The following COA5 variants were observed in gnomAD, a reference collection of about 807,000 sequenced individuals.
The protein encoded by COA5 is protein C2orf64.
A neutral mutation model predicts 11.8 loss-of-function variants in COA5; 11 were observed. That is an observed-to-expected ratio of 0.93 (90% CI 0.59 to 1.54). The LOEUF (loss-of-function observed/expected upper bound fraction) is 1.54, where lower values mean the gene tolerates loss of function less well. Ranked by LOEUF, COA5 falls within the 40% of genes most tolerant of loss-of-function variation. COA5 has a pLI of 0.00. For synonymous variants in COA5, 38 were observed against 37.5 expected (o/e 1.01, Z -0.05); for missense variants, 87 against 89.2 (o/e 0.97, Z 0.10).
chr2:98,606,284 G>C (rs1700704908), intron 1 of COA5, among the ~76,000 whole-genome samples: 2 of 152,186 alleles, frequency 1.3e-5, no homozygotes, highest in Non-Finnish European at 2.9e-5. Context: ...GGCAGTAGCT[G>C]CCAACAGATT....
At chr2:98,604,645 C>T (rs1191404085) in intron 1 of COA5, 1 of 182,058 alleles carries the variant, frequency 5.5e-6, no homozygotes. Context: ...ACCCAAAGCT[C>T]ATCTGCTCTG....
chr2:98,603,058 T>C (rs1342636314), intron 2 of COA5, among the ~76,000 whole-genome samples: 2 of 152,238 alleles, frequency 1.3e-5, no homozygotes, highest in African/African-American at 2.4e-5. Context: ...TCCCTGGATC[T>C]GATTAGCTGG....
At chr2:98,607,642 T>C (rs1700726605) in intron 1 of COA5, among the ~76,000 whole-genome samples, 1 of 152,258 alleles carries the variant, frequency 6.6e-6, no homozygotes, top group Non-Finnish European at 1.5e-5. Context: ...TGTGCTTTAC[T>C]TGAGCTCTAA....
At chr2:98,604,432 G>T (rs937308505) in intron 1 of COA5, 9 of 490,854 alleles carry the variant, frequency 1.8e-5, no homozygotes, top group Non-Finnish European at 3.3e-5. Flanking sequence ...GTTTCTATTG[G>T]ATACTTTTCC....
chr2:98,604,032 T>C (rs981349548), intron 2 of COA5, 76 bp downstream of exon 2: 1 of 1,061,192 alleles, frequency 9.4e-7, no homozygotes. Flanking sequence ...TACCTATAAC[T>C]ATTAAGTCAT....
chr2:98,600,842 T>C (rs1700633329), intron 2 of COA5, 49 bp from the exon 3 acceptor site: 1 of 1,206,050 alleles, frequency 8.3e-7, no homozygotes. Flanking sequence ...TGTAATTAAT[T>C]AAACACCCCT....
Position 98,600,667 on chromosome 2 carries a change from AAAGT to A in COA5, c.*81_*84del. On this transcript the variant is annotated 3_prime_UTR_variant, in exon 3 of 3. Transcript: ENST00000328709. ...TGGTCCAACCAAACAGATGTAGTAA[AAAGT>A]ATGTTTCCTGTTTTGGCTTCTTTGT... 1 of 1,197,800 alleles carries A rather than the reference AAAGT, an allele frequency of 8.3e-7. No individual in the cohort carries two copies. The allele number at this position is 1,197,800 out of a possible 1,614,324, so 74.2% of individuals were successfully genotyped here.
chr2:98,605,534 A>G (rs1418756888), intron 1 of COA5, among the ~76,000 whole-genome samples: 1 of 152,254 alleles, frequency 6.6e-6, no homozygotes, highest in Non-Finnish European at 1.5e-5. Context: ...AGGACAAAAG[A>G]GAAAGTTCTC....
chr2:98,601,523 A>C (rs1273067612), intron 2 of COA5, among the ~76,000 whole-genome samples: 1 of 152,202 alleles, frequency 6.6e-6, no homozygotes, highest in African/African-American at 2.4e-5. Flanking sequence ...CTTTGACTGA[A>C]GCCTCACAGT....
chr2:98,604,173 G>A lies in COA5; in HGVS notation c.118C>T (p.Gln40Ter). Residue 40 changes from glutamine to a stop codon, truncating the protein, a stop_gained, in exon 2 of 3, where the codon CAG (glutamine) becomes TAG (stop). Transcript: ENST00000328709. LOFTEE classifies it high-confidence loss of function. ...CVVQEGKSPRQCLKEGYCNSL... is the reference protein window; with the variant it reads ...CVVQEGKSPR ...TTGCAGTATCCTTCCTTCAAACACT[G>A]CCGAGGTGATTTTCCTTCCTATGAC... 6.2e-7 allele frequency: 1 copy of A among 1,613,508 alleles called. No individual in the cohort carries two copies. The highest frequency in any genetic ancestry group is 8.5e-7 in the Non-Finnish European group (1 of 1,179,590).
At chr2:98,605,743 T>C (rs1700698925) in intron 1 of COA5, 1 of 152,214 alleles carries the variant, frequency 6.6e-6, no homozygotes, top group African/African-American at 2.4e-5. Flanking sequence ...GTGGAATCTG[T>C]ACTTTTAAAA....
At chr2:98,601,251 A>AAATAAAT (rs1229502031) in intron 2 of COA5, among the ~76,000 whole-genome samples, 2 of 152,078 alleles carry the variant, frequency 1.3e-5, no homozygotes, top group Non-Finnish European at 2.9e-5. Context: ...ATAAATAAAT[A>AAATAAAT]AATAAGAAAG....
At chr2:98,608,196 C>A in intron 1 of COA5, 111 bp downstream of exon 1, 3 of 770,674 alleles carry the variant, frequency 3.9e-6, no homozygotes, top group Non-Finnish European at 6.6e-6. Context: ...CTGTGACCTA[C>A]GCCCGGGATG....
chr2:98,608,147 G>T, intron 1 of COA5, 160 bp downstream of exon 1: 1 of 644,380 alleles, frequency 1.6e-6, no homozygotes, highest in South Asian at 1.7e-5. Flanking sequence ...CTGGGGCTCC[G>T]ACAGCTCAGT....
rs1181517345 is a variant in COA5, at chr2:98,600,504, CATTT to C, written c.*244_*247del. ...GTGCTTTAGAACAATTCTCAAAACA[CATTT>C]ATTATGCTCCCAACCCATACCTGTT... On this transcript the variant is annotated 3_prime_UTR_variant, in exon 3 of 3. Coordinates refer to ENST00000328709, the MANE Select transcript of COA5 (RefSeq NM_001008215.3). 1.9e-6 allele frequency: 1 copy of C among 528,114 alleles called. No individual in the cohort carries two copies. The highest frequency in any genetic ancestry group is 3.4e-6 in the Non-Finnish European group (1 of 292,530). 32.7% of individuals were successfully genotyped at this position (528,114 alleles called of 1,614,324 possible).
In COA5 at chr2:98,602,869, G is replaced by C. The variant is rs578172004; in HGVS notation, c.183+1239C>G. Among the ~76,000 whole-genome samples the C allele has an allele frequency of 6.5e-4, 99 of 152,300 alleles. No homozygotes were observed. In the Middle Eastern group the frequency reaches 0.027, roughly 42 times the overall value. On this transcript the variant is annotated intron_variant, in intron 2 of 2. Transcript: ENST00000328709. The stretch of plus-strand genomic sequence containing the variant: ...TGAGCTTTAGGTAGAGAATTTCAGA[G>C]GGTTTACTGCACACGCTTTGAAATT...
intron 2 of COA5, among the ~76,000 whole-genome samples, chr2:98,603,597 A>T (rs772198899): frequency 2.0e-5 from 3 of 152,226 alleles, no homozygotes; most frequent in Middle Eastern, 3.2e-3. Context: ...CTCAGTTTCC[A>T]TTCCAAAGAT....
Position 98,600,112 on chromosome 2 carries a change from C to G in COA5, c.*640G>C, listed in dbSNP as rs1017712058. ...GCTGACACTGGCCCATTATGTAGAG[C>G]GGGCCAGACTGAAAATGTAACCAGG... On this transcript the variant is annotated 3_prime_UTR_variant, in exon 3 of 3. Coordinates refer to ENST00000328709, the MANE Select transcript of COA5 (RefSeq NM_001008215.3). The G allele has an allele frequency of 6.5e-6, 1 of 153,146 alleles. No individual in the cohort carries two copies. The highest frequency in any genetic ancestry group is 3.4e-3 in the Middle Eastern group (1 of 294). The allele number at this position is 153,146 out of a possible 1,614,324, so 9.5% of individuals were successfully genotyped here.
intron 1 of COA5, among the ~76,000 whole-genome samples, chr2:98,605,221 G>A (rs1392234990): frequency 1.3e-5 from 2 of 152,152 alleles, no homozygotes; most frequent in Non-Finnish European, 2.9e-5. Flanking sequence ...GGCTGGGTGA[G>A]ATCTCCTAGA....
Sources: allele counts gnomAD v4.1 joint callset (sites outside exome capture counted in the v4.1 genomes callset), GRCh38; gene constraint gnomAD v4.1.1; transcripts MANE v1.5; gene names NCBI Gene and HGNC (gene_info 2026-07-23, HGNC 2026-07-21).